The following ARHGEF26 variants were observed in gnomAD, a reference collection of about 807,000 sequenced individuals.
The protein encoded by ARHGEF26 is Rho guanine nucleotide exchange factor (GEF) 26.
Under a neutral mutation model 89.4 loss-of-function variants are expected in ARHGEF26, and 59 were observed. That is an observed-to-expected ratio of 0.66 (90% CI 0.54 to 0.82). The LOEUF (loss-of-function observed/expected upper bound fraction) is 0.82, where lower values mean the gene tolerates loss of function less well. ARHGEF26 is among the 40% of genes least tolerant of loss of function. The pLI, the probability that ARHGEF26 is intolerant of heterozygous loss-of-function variation, is 0.00. For missense variants in ARHGEF26, 1,234 were observed against 1,085.6 expected, an observed-to-expected ratio of 1.14 and a Z score of -1.92; for synonymous variants, 500 against 428.4, an observed-to-expected ratio of 1.17 and a Z score of -2.06.
intron 4 of ARHGEF26, among the ~76,000 whole-genome samples, chr3:154,149,186 A>G (rs888728500): frequency 6.6e-6 from 1 of 152,078 alleles, no homozygotes; most frequent in Non-Finnish European, 1.5e-5. Flanking sequence ...AGAGTATAAA[A>G]TGCTTAGTAT....
intron 7 of ARHGEF26, among the ~76,000 whole-genome samples, chr3:154,188,577 G>T (rs1044677528): frequency 5.9e-5 from 9 of 152,146 alleles, no homozygotes; most frequent in Non-Finnish European, 1.3e-4. Context: ...TTACAGCACA[G>T]TTGTGCACTG....
intron 11 of ARHGEF26, among the ~76,000 whole-genome samples, chr3:154,235,102 T>C (rs1306900276): frequency 6.6e-6 from 1 of 151,994 alleles, no homozygotes; most frequent in African/African-American, 2.4e-5. Context: ...TGCATGTTTA[T>C]TTTTTTTCCG....
intron 4 of ARHGEF26, among the ~76,000 whole-genome samples, chr3:154,149,003 T>G (rs1428239795): frequency 6.6e-6 from 1 of 152,132 alleles, no homozygotes; most frequent in South Asian, 2.1e-4. Context: ...ACCAATAATA[T>G]TGACTAAAAG....
intron 5 of ARHGEF26, among the ~76,000 whole-genome samples, chr3:154,151,158 T>C (rs1170065876): frequency 6.6e-6 from 1 of 152,198 alleles, no homozygotes; most frequent in Admixed American, 6.5e-5. Flanking sequence ...CATCTGTCTG[T>C]CCACCCAACT....
chr3:154,235,831 A>C (rs1035538247), intron 11 of ARHGEF26, among the ~76,000 whole-genome samples: 1 of 152,144 alleles, frequency 6.6e-6, no homozygotes, highest in Non-Finnish European at 1.5e-5. Context: ...CCTCTTCTCC[A>C]GAGTACCTGC....
chr3:154,157,109 T>C (rs181361478), intron 6 of ARHGEF26, among the ~76,000 whole-genome samples: 14 of 151,790 alleles, frequency 9.2e-5, no homozygotes, highest in African/African-American at 3.4e-4. Context: ...TCATTCTGAC[T>C]GTGTGTGTGT....
At chr3:154,153,459 T>A (rs1720145507) in intron 6 of ARHGEF26, among the ~76,000 whole-genome samples, 1 of 152,098 alleles carries the variant, frequency 6.6e-6, no homozygotes, top group Admixed American at 6.6e-5. Context: ...TATTTTTGCT[T>A]AATTTTTTTC....
chr3:154,130,026 TG>T (rs1560041427), intron 4 of ARHGEF26, among the ~76,000 whole-genome samples: 1 of 152,210 alleles, frequency 6.6e-6, no homozygotes, highest in Non-Finnish European at 1.5e-5. Flanking sequence ...ATCATAATTA[TG>T]GCTATTTACA....
chr3:154,156,035 A>G (rs1226267579), intron 6 of ARHGEF26, among the ~76,000 whole-genome samples: 1 of 152,050 alleles, frequency 6.6e-6, no homozygotes, highest in Non-Finnish European at 1.5e-5. Flanking sequence ...CAAAACATAA[A>G]GGATAATTAT....
In ARHGEF26 at chr3:154,257,240, T is replaced by C; in HGVS notation, c.*1767T>C. The C allele has an allele frequency of 4.0e-6, 1 of 248,546 alleles. No homozygotes were observed. The highest frequency in any genetic ancestry group is 7.6e-6 in the Non-Finnish European group (1 of 131,492). 15.4% of individuals were successfully genotyped at this position (248,546 alleles called of 1,614,324 possible). On this transcript the variant is annotated 3_prime_UTR_variant, in exon 15 of 15. Coordinates refer to ENST00000465093, the MANE Select transcript of ARHGEF26 (RefSeq NM_015595.4). ...GCATACCTTCTAATTGTAAAATATA[T>C]TTCAGACCGTGAGTACCTTGAGATC...
chr3:154,225,785 A>C (rs901331686), intron 10 of ARHGEF26, 71 bp from the exon 11 acceptor site: 8 of 1,486,268 alleles, frequency 5.4e-6, no homozygotes, highest in Middle Eastern at 1.8e-4. Context: ...TGTACGTTTT[A>C]GCTTTTACTT....
chr3:154,228,436 C>CTT (rs71744878), intron 11 of ARHGEF26, among the ~76,000 whole-genome samples: 5 of 141,544 alleles, frequency 3.5e-5, no homozygotes, highest in Admixed American at 7.1e-5. Flanking sequence ...CGCACCTGGC[C>CTT]TTTTTTTTTT....
In ARHGEF26 at chr3:154,217,829, T is replaced by A. The variant is rs553504863; in HGVS notation, c.1846-40T>A. 56 of 1,489,330 alleles carry A rather than the reference T, an allele frequency of 3.8e-5. No homozygotes were observed. The South Asian group carries it at 6.7e-4, about 18-fold the overall frequency. The allele number at this position is 1,489,330 out of a possible 1,614,324, so 92.3% of individuals were successfully genotyped here. A position where few individuals can be genotyped will look rare whatever the true frequency, so the allele number is the denominator to read the frequency against. On this transcript the variant is annotated intron_variant, in intron 9 of 14. Coordinates refer to ENST00000465093, the MANE Select transcript of ARHGEF26 (RefSeq NM_015595.4). ...TCTGCTTTTGAAAGTGAGGTTTCTC[T>A]CCTTGACCTTTAACCCTCGTTACTC... is the stretch of plus-strand genomic sequence containing the variant.
At chr3:154,191,730 C>G (rs1007585498) in intron 8 of ARHGEF26, among the ~76,000 whole-genome samples, 1 of 152,088 alleles carries the variant, frequency 6.6e-6, no homozygotes, top group Non-Finnish European at 1.5e-5. Flanking sequence ...TCTAGCTAAG[C>G]CATTAGGCAT....
At chr3:154,147,764 C>T (rs2108087719) in intron 4 of ARHGEF26, among the ~76,000 whole-genome samples, 1 of 152,246 alleles carries the variant, frequency 6.6e-6, no homozygotes, top group South Asian at 2.1e-4. Context: ...ACTTTGTACA[C>T]ATTCTTTTTC....
intron 12 of ARHGEF26, among the ~76,000 whole-genome samples, chr3:154,252,489 A>T (rs1718217749): frequency 6.6e-6 from 1 of 152,200 alleles, no homozygotes; most frequent in Non-Finnish European, 1.5e-5. Context: ...CTTTAGTTGA[A>T]TAATTATTTT....
chr3:154,216,502 A>ATTTTTTTTTTTTTT (rs1293834056), intron 9 of ARHGEF26, among the ~76,000 whole-genome samples: 3 of 49,112 alleles, frequency 6.1e-5, no homozygotes, highest in East Asian at 1.1e-3. Flanking sequence ...ATTTTTTTTT[A>ATTTTTTTTTTTTTT]TTTTTTATTT....
intron 6 of ARHGEF26, among the ~76,000 whole-genome samples, chr3:154,154,616 T>C (rs1417634903): frequency 6.6e-6 from 1 of 152,040 alleles, no homozygotes; most frequent in Non-Finnish European, 1.5e-5. Context: ...TTTTTTAAAA[T>C]AAGCATATGC....
chr3:154,241,277 T>C lies in ARHGEF26; in HGVS notation c.2300+698T>C, dbSNP rs1432759765. 8.5e-5 allele frequency among the ~76,000 whole-genome samples: 13 copies of C among 152,314 alleles called. 1 individual carries two copies. The highest frequency in any genetic ancestry group is 6.8e-3 in the Middle Eastern group (2 of 294). On this transcript the variant is annotated intron_variant, in intron 12 of 14. Coordinates refer to ENST00000465093, the MANE Select transcript of ARHGEF26 (RefSeq NM_015595.4). ...AAACTTCCTCTTGCAATAATCATCA[T>C]GGGCAGATATTATATTGGGTCAGAG...
Sources: gnomAD v4.1 joint callset for allele counts (sites outside exome capture counted in the v4.1 genomes callset) on GRCh38, gnomAD v4.1.1 for gene constraint, MANE v1.5 for transcripts, NCBI Gene and HGNC (gene_info 2026-07-23, HGNC 2026-07-21) for gene names.